SYTL3: variants seen among roughly 807,000 people sequenced by gnomAD.
The protein encoded by SYTL3 is synaptotagmin-like protein 3.
Under a neutral mutation model 82.1 loss-of-function variants are expected in SYTL3, and 88 were observed. The ratio of observed to expected loss-of-function variants is 1.07; its 90% CI spans 0.90 to 1.28. SYTL3 has a LOEUF of 1.28. SYTL3 is among the 50% of genes most tolerant of loss of function. The pLI is 0.00. For synonymous variants in SYTL3, 311 were observed against 289.4 expected, an observed-to-expected ratio of 1.07 and a Z score of -0.76; for missense variants, 831 against 757.6, an observed-to-expected ratio of 1.10 and a Z score of -1.14.
At chr6:158,660,523 A>G (rs947838302) in intron 2 of SYTL3, among the ~76,000 whole-genome samples, 2 of 152,234 alleles carry the variant, frequency 1.3e-5, no homozygotes, top group Admixed American at 6.5e-5. Context: ...TGTAATGATC[A>G]TTGAACCCTG....
At chr6:158,742,912 G>A (rs17513241) in intron 11 of SYTL3, among the ~76,000 whole-genome samples, 195 of 151,946 alleles carry the variant, frequency 1.3e-3, no homozygotes, top group Non-Finnish European at 2.3e-3. Flanking sequence ...TAAGCTTCTC[G>A]GCCCCTCAGC....
At chr6:158,668,875 C>T (rs1311249431) in intron 5 of SYTL3, among the ~76,000 whole-genome samples, 1 of 151,994 alleles carries the variant, frequency 6.6e-6, no homozygotes, top group African/African-American at 2.4e-5. Flanking sequence ...ACGGGGCATC[C>T]GAGAACCGAA....
chr6:158,657,093 C>T (rs1788768345), intron 2 of SYTL3, among the ~76,000 whole-genome samples: 1 of 152,070 alleles, frequency 6.6e-6, no homozygotes, highest in Admixed American at 6.6e-5. Flanking sequence ...ACTATAGGCT[C>T]ATTCAGTTTA....
chr6:158,654,433 C>T (rs1788426232), intron 2 of SYTL3, among the ~76,000 whole-genome samples: 1 of 152,194 alleles, frequency 6.6e-6, no homozygotes, highest in African/African-American at 2.4e-5. Flanking sequence ...CGAAGTTCCA[C>T]TGGGATACAG....
chr6:158,756,255 G>C (rs867583846), intron 13 of SYTL3, among the ~76,000 whole-genome samples: 2 of 152,336 alleles, frequency 1.3e-5, no homozygotes, highest in Middle Eastern at 3.4e-3. Context: ...TCTTGGGTGT[G>C]TTGGGAGCCC....
chr6:158,693,029 C>T (rs150003244), intron 6 of SYTL3, among the ~76,000 whole-genome samples: 4 of 152,274 alleles, frequency 2.6e-5, no homozygotes, highest in Admixed American at 1.3e-4. Flanking sequence ...CTCTCCTCTC[C>T]GTTGGTTTGC....
upstream of SYTL3, among the ~76,000 whole-genome samples, chr6:158,645,091 G>T (rs1449373998): frequency 6.6e-6 from 1 of 152,162 alleles, no homozygotes; most frequent in Non-Finnish European, 1.5e-5. Context: ...GTTCAAACCC[G>T]CTCGGACACC....
At chr6:158,727,372 C>T (rs891742457) in intron 11 of SYTL3, among the ~76,000 whole-genome samples, 3 of 151,656 alleles carry the variant, frequency 2.0e-5, no homozygotes, top group Non-Finnish European at 4.4e-5. Context: ...AGTTTCACCA[C>T]GTTGGCCAGG....
intron 6 of SYTL3, among the ~76,000 whole-genome samples, chr6:158,699,728 A>G (rs1485383568): frequency 6.6e-6 from 1 of 151,742 alleles, no homozygotes; most frequent in Non-Finnish European, 1.5e-5. Context: ...TGGGAGGATC[A>G]CTTGAGTTCA....
At position 158,738,919 on chromosome 6, in the gene SYTL3, A is replaced by G. The variant is rs547010537; in HGVS notation, c.856-6561A>G. 8.5e-5 allele frequency among the ~76,000 whole-genome samples: 13 copies of G among 152,278 alleles called. No individual in the cohort carries two copies. In the South Asian group the frequency reaches 2.5e-3, roughly 29 times the overall value. On this transcript the variant is annotated intron_variant, in intron 11 of 17. Transcript: ENST00000611299. ...GCGATCCACCTGCCTTGGCCTCCCAAAGTGCTGGGATTACAGGCGTGAGCC... is the reference window on the plus strand; with the variant it reads ...GCGATCCACCTGCCTTGGCCTCCCAGAGTGCTGGGATTACAGGCGTGAGCC...
chr6:158,697,018 GTTACCTTATTT>G (rs1292150308), intron 6 of SYTL3, among the ~76,000 whole-genome samples: 1 of 151,568 alleles, frequency 6.6e-6, no homozygotes, highest in African/African-American at 2.4e-5. Flanking sequence ...TTTTTTCTTA[GTTACCTTATTT>G]CACTTAGCAA....
At chr6:158,693,848 T>TAC (rs1780233227) in intron 6 of SYTL3, among the ~76,000 whole-genome samples, 4 of 82,872 alleles carry the variant, frequency 4.8e-5, no homozygotes, top group Non-Finnish European at 9.1e-5. Context: ...GCCTTTCTTT[T>TAC]TCTTTTCTTT....
chr6:158,748,814 C>T (rs1242605904), intron 12 of SYTL3, among the ~76,000 whole-genome samples: 2 of 150,238 alleles, frequency 1.3e-5, no homozygotes, highest in African/African-American at 4.9e-5. Context: ...CATTGCACTC[C>T]AGCCTGGGCA....
At position 158,764,550 on chromosome 6, in the gene SYTL3, G is replaced by GA; in HGVS notation, c.1782dup (p.Val595SerfsTer19). ...GCTCACTATCGAAGCTCCAGTGGCAGAAAGTCCTTTCCAGCCCCAATCTAT... is the reference window on the plus strand; with the variant it reads ...GCTCACTATCGAAGCTCCAGTGGCAGAAAAGTCCTTTCCAGCCCCAATCTAT... On this transcript the variant is annotated frameshift_variant, in exon 18 of 18. Coordinates refer to ENST00000611299, the MANE Select transcript of SYTL3 (RefSeq NM_001242394.2). LOFTEE classifies it high-confidence loss of function. 1 of 1,614,144 alleles carries GA rather than the reference G, an allele frequency of 6.2e-7. No homozygotes were observed. The highest frequency in any genetic ancestry group is 2.2e-5 in the East Asian group (1 of 44,882).
Position 158,757,399 on chromosome 6 carries a change from ACTGAGTGCC to A in SYTL3, c.1308+21_1308+29del. On this transcript the variant is annotated intron_variant, in intron 14 of 17. Transcript: ENST00000611299. ...GGGCCAAGGTGATGTCTGGTTTTGGACTGAGTGCCCTCCATCCCCACTGTGATAGATAAA... is the reference window on the plus strand; with the variant it reads ...GGGCCAAGGTGATGTCTGGTTTTGGACTCCATCCCCACTGTGATAGATAAA... 6.2e-7 allele frequency: 1 copy of A among 1,612,286 alleles called. No homozygotes were observed. The highest frequency in any genetic ancestry group is 8.5e-7 in the Non-Finnish European group (1 of 1,178,998).
intron 5 of SYTL3, among the ~76,000 whole-genome samples, chr6:158,665,852 G>A (rs1190558141): frequency 3.9e-5 from 6 of 152,076 alleles, no homozygotes; most frequent in African/African-American, 9.7e-5. Flanking sequence ...GCTCATGACC[G>A]TAATCCTAGC....
rs143272021 is a variant in SYTL3, at chr6:158,665,569, G to A, written c.285G>A (p.Leu95=). ...TGTGTGCCCAGTGCCGAGTGTTCCT[G>A]AGGGGGACCCATGCCTGGAAGTGCA... ...HRVCAQCRVF[L]RGTHAWKCTV... is the part of the protein sequence containing the mutation. Residue 95 remains leucine (L), a synonymous_variant, in exon 5 of 18, where the codon CTG becomes CTA. Coordinates refer to ENST00000611299, the MANE Select transcript of SYTL3 (RefSeq NM_001242394.2). The A allele has an allele frequency of 3.1e-4, 484 of 1,580,140 alleles. 1 individual carries two copies. The African/African-American group carries it at 6.0e-3, about 20-fold the overall frequency.
intron 5 of SYTL3, among the ~76,000 whole-genome samples, chr6:158,671,633 C>T (rs1331316248): frequency 4.6e-5 from 7 of 151,302 alleles, no homozygotes; most frequent in African/African-American, 1.2e-4. Flanking sequence ...GGCATGATGG[C>T]GCACCCCTGT....
chr6:158,732,006 TC>T (rs1785475640), intron 11 of SYTL3, among the ~76,000 whole-genome samples: 1 of 152,338 alleles, frequency 6.6e-6, no homozygotes, highest in Non-Finnish European at 1.5e-5. Flanking sequence ...AATATCTCTG[TC>T]CCTCTTGGAC....
Sources: allele counts gnomAD v4.1 joint callset (sites outside exome capture counted in the v4.1 genomes callset), GRCh38; gene constraint gnomAD v4.1.1; transcripts MANE v1.5; gene names NCBI Gene and HGNC (gene_info 2026-07-23, HGNC 2026-07-21).